Variants in TSGA10 observed in about 807,000 individuals in gnomAD.
The protein encoded by TSGA10 is testis-specific gene 10 protein.
TSGA10 carries 43 observed loss-of-function variants against 96.6 expected under a neutral mutation model. The observed-to-expected ratio is 0.44, with a 90% confidence interval of 0.35 to 0.57. The LOEUF is 0.57. Ranked by LOEUF, TSGA10 falls within the 20% of genes least tolerant of loss-of-function variation. The probability of loss-of-function intolerance (pLI) is 0.01; values close to 1 mark genes in which losing one functional copy is unlikely to be tolerated. For synonymous variants in TSGA10, 229 were observed against 269.9 expected, an observed-to-expected ratio of 0.85 and a Z score of 1.48; for missense variants, 703 against 834.4, an observed-to-expected ratio of 0.84 and a Z score of 1.94.
intron 1 of TSGA10, among the ~76,000 whole-genome samples, chr2:99,135,780 G>T (rs186741680): frequency 6.6e-6 from 1 of 152,108 alleles, no homozygotes; most frequent in Non-Finnish European, 1.5e-5. Flanking sequence ...AGGCTGAGGC[G>T]GGCGGATCAC....
At chr2:99,102,875 T>C (rs2090932181) in intron 10 of TSGA10, 4 of 716,800 alleles carry the variant, frequency 5.6e-6, no homozygotes, top group Non-Finnish European at 7.4e-6. Flanking sequence ...TCATAGTCCT[T>C]TTATATTTGT....
chr2:99,025,165 T>C lies in TSGA10; in HGVS notation c.1615-4683A>G, dbSNP rs548844396. On this transcript the variant is annotated intron_variant, in intron 17 of 20. Coordinates refer to ENST00000393483, the MANE Select transcript of TSGA10 (RefSeq NM_025244.4). ...TGGCTTCATAGAATGCATTAAGAAG[T>C]GTTGTCTTCTACTTTTGGAAGAGTT... Among the ~76,000 whole-genome samples the C allele has an allele frequency of 9.8e-5, 15 of 152,308 alleles. No homozygotes were observed. In the South Asian group the frequency reaches 3.1e-3, roughly 32 times the overall value.
rs886836184 is a variant in TSGA10 at position 99,099,276 on chromosome 2, C to T, written c.611+4691G>A. Among the ~76,000 whole-genome samples, 7 of 152,192 alleles carry T rather than the reference C, an allele frequency of 4.6e-5. 1 individual carries two copies. The highest frequency in any genetic ancestry group is 8.8e-5 in the Non-Finnish European group (6 of 68,034). On this transcript the variant is annotated intron_variant, in intron 10 of 20. Coordinates refer to ENST00000393483, the MANE Select transcript of TSGA10 (RefSeq NM_025244.4). The stretch of plus-strand genomic sequence containing the variant: ...GCGGTGAGCCAAGATCGCGCCATTG[C>T]ACTCCAGCCTGGGCAACAAGAGTGA...
At chr2:99,009,743 G>T (rs1293562853) in intron 20 of TSGA10, among the ~76,000 whole-genome samples, 2 of 152,120 alleles carry the variant, frequency 1.3e-5, no homozygotes, top group African/African-American at 2.4e-5. Flanking sequence ...GTAGAAGAAA[G>T]AACATATATA....
intron 17 of TSGA10, among the ~76,000 whole-genome samples, chr2:99,030,684 A>C (rs1278783697): frequency 6.6e-6 from 1 of 152,126 alleles, no homozygotes; most frequent in Non-Finnish European, 1.5e-5. Context: ...ACAAAAATCA[A>C]TTGTACTTCT....
intron 20 of TSGA10, among the ~76,000 whole-genome samples, chr2:99,002,070 T>C (rs1447772592): frequency 6.6e-6 from 1 of 152,134 alleles, no homozygotes; most frequent in Non-Finnish European, 1.5e-5. Flanking sequence ...CTGCGGGATA[T>C]TATCCAGGAG....
Position 98,998,127 on chromosome 2 carries a change from T to C in TSGA10, c.*70A>G. On this transcript the variant is annotated 3_prime_UTR_variant, in exon 21 of 21. Coordinates refer to ENST00000393483, the MANE Select transcript of TSGA10 (RefSeq NM_025244.4). ...AGCATTTAAAAGATAAATGCACTCATGTAGCAAAAAAAAAAAAATCAGTTT... is the reference window on the plus strand; with the variant it reads ...AGCATTTAAAAGATAAATGCACTCACGTAGCAAAAAAAAAAAAATCAGTTT... The C allele has an allele frequency of 1.5e-6, 2 of 1,325,424 alleles. No individual in the cohort carries two copies. Among genetic ancestry groups the C allele is most frequent in the Non-Finnish European group, 2.1e-6 (2 of 944,308 alleles). The allele number at this position is 1,325,424 out of a possible 1,614,324, so 82.1% of individuals were successfully genotyped here. A position where few individuals can be genotyped will look rare whatever the true frequency, so the allele number is the denominator to read the frequency against.
intron 20 of TSGA10, among the ~76,000 whole-genome samples, chr2:99,008,613 T>G (rs1045878056): frequency 6.6e-6 from 1 of 152,218 alleles, no homozygotes. Flanking sequence ...GAGGGGAATG[T>G]GGCACTGTCT....
intron 1 of TSGA10, among the ~76,000 whole-genome samples, chr2:99,132,555 C>T (rs1313152489): frequency 6.6e-6 from 1 of 152,116 alleles, no homozygotes. Context: ...ATTCAAAAAA[C>T]CAGCTCCTGG....
chr2:99,048,975 A>G (rs1399302675), intron 16 of TSGA10, among the ~76,000 whole-genome samples: 1 of 152,194 alleles, frequency 6.6e-6, no homozygotes, highest in Non-Finnish European at 1.5e-5. Context: ...ACAAACATGA[A>G]AAAAAGCTCA....
chr2:99,042,839 G>C (rs1201234053), intron 16 of TSGA10, among the ~76,000 whole-genome samples: 2 of 151,952 alleles, frequency 1.3e-5, no homozygotes, highest in East Asian at 3.9e-4. Flanking sequence ...AAGTAGCTGG[G>C]ATTACAGGCA....
intron 20 of TSGA10, among the ~76,000 whole-genome samples, chr2:99,013,423 C>G (rs910289078): frequency 6.6e-6 from 1 of 151,996 alleles, no homozygotes; most frequent in South Asian, 2.1e-4. Flanking sequence ...AGCTCCACCC[C>G]CTGGGTTCAC....
chr2:99,140,184 A>G (rs1205541856), intron 1 of TSGA10, among the ~76,000 whole-genome samples: 1 of 152,228 alleles, frequency 6.6e-6, no homozygotes, highest in Non-Finnish European at 1.5e-5. Context: ...GTTATTTCCC[A>G]CTAATTAAGA....
In TSGA10 at chr2:99,085,936, G is replaced by A. The variant is rs1482094572; in HGVS notation, c.612-4539C>T. ...TTACTACAGTATTCAAGATGGTATG[G>A]CATTAGTCTACGGATCAACAGACTA... On this transcript the variant is annotated intron_variant, in intron 10 of 20. Transcript: ENST00000393483. Among the ~76,000 whole-genome samples, 5 of 152,276 alleles carry A rather than the reference G, an allele frequency of 3.3e-5. No homozygotes were observed. In the East Asian group the frequency reaches 5.8e-4, roughly 18 times the overall value.
At chr2:99,138,794 G>A (rs758642128) in intron 1 of TSGA10, among the ~76,000 whole-genome samples, 53 of 152,146 alleles carry the variant, frequency 3.5e-4, no homozygotes, top group Non-Finnish European at 5.4e-4. Flanking sequence ...ACAATTTCAG[G>A]GGATTTAAGA....
rs1335707245 is a variant in TSGA10 at position 99,090,358 on chromosome 2, C to CT, written c.612-8962dup. Among the ~76,000 whole-genome samples, 6 of 152,230 alleles carry CT rather than the reference C, an allele frequency of 3.9e-5. No homozygotes were observed. The East Asian group carries it at 7.7e-4, about 20-fold the overall frequency. On this transcript the variant is annotated intron_variant, in intron 10 of 20. Coordinates refer to ENST00000393483, the MANE Select transcript of TSGA10 (RefSeq NM_025244.4). ...TCTGGTAATATGACAAAACAAAGTT[C>CT]TTTAACACCCTCAAAAAATCACACT...
At chr2:99,021,824 G>A (rs556428232) in intron 17 of TSGA10, among the ~76,000 whole-genome samples, 3 of 152,170 alleles carry the variant, frequency 2.0e-5, no homozygotes, top group East Asian at 1.9e-4. Context: ...CTAGTCTATC[G>A]CAAATTTGTT....
chr2:99,011,430 C>T (rs562357687), intron 20 of TSGA10, among the ~76,000 whole-genome samples: 8 of 152,194 alleles, frequency 5.3e-5, no homozygotes, highest in African/African-American at 1.7e-4. Context: ...CCATGCCCGG[C>T]CAAAGACAGG....
At chr2:99,096,953 A>C (rs979655494) in intron 10 of TSGA10, among the ~76,000 whole-genome samples, 1 of 152,288 alleles carries the variant, frequency 6.6e-6, no homozygotes, top group Admixed American at 6.5e-5. Context: ...ACTAAACTAA[A>C]CCCTACTAAC....
Sources: gnomAD v4.1 joint callset for allele counts (sites outside exome capture counted in the v4.1 genomes callset) on GRCh38, gnomAD v4.1.1 for gene constraint, MANE v1.5 for transcripts, NCBI Gene and HGNC (gene_info 2026-07-23, HGNC 2026-07-21) for gene names.